Variants in LUZP1 observed in about 807,000 individuals in gnomAD.
LUZP1 encodes the protein filamin mechanobinding actin cross-linking protein.
Under a neutral mutation model 71.3 loss-of-function variants are expected in LUZP1, and 25 were observed. The ratio of observed to expected loss-of-function variants is 0.35; its 90% CI spans 0.26 to 0.49. The LOEUF is 0.49. Ranked by LOEUF, LUZP1 falls within the 20% of genes least tolerant of loss-of-function variation. The pLI, the probability that LUZP1 is intolerant of heterozygous loss-of-function variation, is 0.99. For synonymous variants in LUZP1, 481 were observed against 506.4 expected (o/e 0.95, Z 0.67); for missense variants, 1,142 against 1,300.8 (o/e 0.88, Z 1.88).
At chr1:23,100,441 C>T (rs982054586) in intron 3 of LUZP1, among the ~76,000 whole-genome samples, 1 of 152,162 alleles carries the variant, frequency 6.6e-6, no homozygotes, top group South Asian at 2.1e-4. Flanking sequence ...AACCACAATT[C>T]TCTCCCCCTG....
rs188847195 is a variant in LUZP1 at position 23,102,862 on chromosome 1, C to G, written c.-120+6160G>C. On this transcript the variant is annotated intron_variant, in intron 3 of 4. Transcript: ENST00000302291. ...GGCCTGTCTGCCAGAATTTGCCAAT[C>G]TCTGATCTAAAGGATAATAGGAGCT... Among the ~76,000 whole-genome samples the G allele has an allele frequency of 1.6e-4, 25 of 152,280 alleles. No homozygotes were observed. In the East Asian group the frequency reaches 3.5e-3, roughly 21 times the overall value.
At chr1:23,148,743 T>G (rs768533575) in intron 2 of LUZP1, among the ~76,000 whole-genome samples, 1 of 152,118 alleles carries the variant, frequency 6.6e-6, no homozygotes, top group Non-Finnish European at 1.5e-5. Context: ...ATATAAAATT[T>G]CCCAAAAATT....
chr1:23,139,011 AAAAAAAAAATATATATATAT>A (rs1644279380), intron 2 of LUZP1, among the ~76,000 whole-genome samples: 1 of 99,772 alleles, frequency 1.0e-5, no homozygotes, highest in African/African-American at 4.8e-5. Context: ...AAAAAAAAAA[AAAAAAAAAATATATATATAT>A]ATATATATAT....
intron 1 of LUZP1, among the ~76,000 whole-genome samples, chr1:23,173,789 T>C (rs920829745): frequency 6.6e-6 from 1 of 151,564 alleles, no homozygotes. Flanking sequence ...CATACTGCAA[T>C]AGAAAGTTCC....
intron 2 of LUZP1, among the ~76,000 whole-genome samples, chr1:23,128,145 A>G (rs1644187092): frequency 6.6e-6 from 1 of 152,120 alleles, no homozygotes; most frequent in African/African-American, 2.4e-5. Context: ...GAAAAAAAGA[A>G]AAAAGAAAAA....
In LUZP1 at chr1:23,126,119, T is replaced by C. The variant is rs559661991; in HGVS notation, c.-225-16992A>G. 5.9e-5 allele frequency among the ~76,000 whole-genome samples: 9 copies of C among 152,324 alleles called. No individual in the cohort carries two copies. The South Asian group carries it at 1.4e-3, about 25-fold the overall frequency. ...ATTAGGTCTCCTGGACACATAAATA[T>C]ACGTCTTCTGGAATGGTATAACCCA... On this transcript the variant is annotated intron_variant, in intron 2 of 4. Coordinates refer to ENST00000302291, the Ensembl canonical transcript of LUZP1.
intron 3 of LUZP1, among the ~76,000 whole-genome samples, chr1:23,100,770 T>G (rs147337241): frequency 1.4e-4 from 22 of 152,338 alleles, no homozygotes; most frequent in African/African-American, 5.1e-4. Context: ...CCAAAGCAAC[T>G]GATTTTTAGC....
intron 2 of LUZP1, among the ~76,000 whole-genome samples, chr1:23,159,137 G>A (rs1644444712): frequency 6.6e-6 from 1 of 151,902 alleles, no homozygotes; most frequent in African/African-American, 2.4e-5. Context: ...TCAGGAGATT[G>A]AGACCATCCT....
intron 4 of LUZP1, among the ~76,000 whole-genome samples, chr1:23,089,785 C>G (rs867286217): frequency 5.4e-5 from 8 of 148,434 alleles, no homozygotes; most frequent in Middle Eastern, 3.5e-3. Context: ...TTTGAGACGT[C>G]ATTTCACTCT....
Position 23,094,286 on chromosome 1 carries a change from C to A in LUZP1, c.-25G>T, listed in dbSNP as rs1184952193. 5 of 1,555,650 alleles carry A rather than the reference C, an allele frequency of 3.2e-6. No homozygotes were observed. The highest frequency in any genetic ancestry group is 1.2e-5 in the South Asian group (1 of 80,036). ...TGTCTACTGCCAGCCAATGTGGGCTCCTAGAGGCATCCAATTCCACTCAAG... is the reference window on the plus strand; with the variant it reads ...TGTCTACTGCCAGCCAATGTGGGCTACTAGAGGCATCCAATTCCACTCAAG... On this transcript the variant is annotated 5_prime_UTR_variant, in exon 4 of 5. Coordinates refer to ENST00000302291, the Ensembl canonical transcript of LUZP1. This position sits in a 1 kb window ranked among gnomAD's most constrained non-coding sequence, Gnocchi z 4.7.
chr1:23,135,853 T>C (rs1644249183), intron 2 of LUZP1, among the ~76,000 whole-genome samples: 2 of 152,374 alleles, frequency 1.3e-5, no homozygotes, highest in East Asian at 3.9e-4. Flanking sequence ...GACAAATTAC[T>C]ATAACCCTTA....
intron 3 of LUZP1, among the ~76,000 whole-genome samples, chr1:23,107,627 CCT>C (rs1451789720): frequency 6.6e-6 from 1 of 152,068 alleles, no homozygotes; most frequent in Non-Finnish European, 1.5e-5. Context: ...ATGGTGAAAC[CCT>C]GTCTCTACAA....
intron 3 of LUZP1, among the ~76,000 whole-genome samples, chr1:23,098,469 G>A (rs1023784885): frequency 6.6e-6 from 1 of 152,168 alleles, no homozygotes; most frequent in Non-Finnish European, 1.5e-5. Flanking sequence ...GGGGAGTAGG[G>A]AGAAGTAGAG....
intron 2 of LUZP1, among the ~76,000 whole-genome samples, chr1:23,121,040 A>G (rs1251791290): frequency 2.6e-5 from 4 of 152,228 alleles, no homozygotes; most frequent in Non-Finnish European, 5.9e-5. Context: ...TAAGCAAAAA[A>G]TAAGACCAGC....
chr1:23,119,692 A>G (rs948130385), intron 2 of LUZP1, among the ~76,000 whole-genome samples: 1 of 152,120 alleles, frequency 6.6e-6, no homozygotes, highest in Admixed American at 6.6e-5. Context: ...AGAATTATGT[A>G]TTTCATCTCT....
chr1:23,161,687 G>T (rs1644467342), intron 2 of LUZP1, among the ~76,000 whole-genome samples: 1 of 152,142 alleles, frequency 6.6e-6, no homozygotes, highest in African/African-American at 2.4e-5. Context: ...TACCCGAAAA[G>T]TAGCCAGGAG....
chr1:23,162,049 A>T (rs1157109638), intron 2 of LUZP1, among the ~76,000 whole-genome samples: 2 of 138,452 alleles, frequency 1.4e-5, no homozygotes, highest in Non-Finnish European at 3.1e-5. Context: ...AAAAAAAAAA[A>T]GCTGAAATTT....
chr1:23,162,700 T>C (rs1270617682), intron 2 of LUZP1: 1 of 152,166 alleles, frequency 6.6e-6, no homozygotes, highest in Non-Finnish European at 1.5e-5. Context: ...AAAACAGGAA[T>C]AGAGTGCTCA....
chr1:23,153,522 A>G (rs562326515), intron 2 of LUZP1, among the ~76,000 whole-genome samples: 10 of 151,962 alleles, frequency 6.6e-5, no homozygotes, highest in African/African-American at 2.4e-4. Flanking sequence ...AACATACACT[A>G]TTAGCATAAC....
Sources: allele counts gnomAD v4.1 joint callset (sites outside exome capture counted in the v4.1 genomes callset), GRCh38; gene constraint gnomAD v4.1.1; non-coding constraint Gnocchi (gnomAD v3.1); transcripts MANE v1.5; gene names NCBI Gene and HGNC (gene_info 2026-07-23, HGNC 2026-07-21).